The following GSK3B variants were observed in gnomAD, a reference collection of about 807,000 sequenced individuals.
GSK3B encodes glycogen synthase kinase-3 beta.
GSK3B carries 15 observed loss-of-function variants against 56.4 expected under a neutral mutation model. That is an observed-to-expected ratio of 0.27 (90% CI 0.18 to 0.41). The LOEUF (loss-of-function observed/expected upper bound fraction) is 0.41. Ranked by LOEUF, GSK3B falls within the 10% of genes least tolerant of loss-of-function variation. The pLI is 1.00. For missense variants in GSK3B, 300 were observed against 513.4 expected (o/e 0.58, Z 4.02); for synonymous variants, 181 against 188.9 (o/e 0.96, Z 0.34).
chr3:119,894,978 A>C (rs2056546320), intron 7 of GSK3B, among the ~76,000 whole-genome samples: 1 of 152,138 alleles, frequency 6.6e-6, no homozygotes, highest in Non-Finnish European at 1.5e-5. Context: ...ATGGGTATAC[A>C]ATGTGGAATA....
intron 2 of GSK3B, among the ~76,000 whole-genome samples, chr3:119,962,375 CA>C (rs71156779): frequency 0.85 from 102,809 of 120,448 alleles, 43,208 homozygotes; most frequent in East Asian, 0.97. Context: ...AACTCTGTCT[CA>C]AAAAAAAAAA....
chr3:119,978,978 C>A (rs944714403), intron 2 of GSK3B, among the ~76,000 whole-genome samples: 14 of 152,196 alleles, frequency 9.2e-5, no homozygotes, highest in Non-Finnish European at 1.5e-5. Context: ...AAAACAGACA[C>A]CCTCGGCTTC....
At chr3:119,842,097 G>A (rs1307777917) in intron 10 of GSK3B, among the ~76,000 whole-genome samples, 3 of 152,124 alleles carry the variant, frequency 2.0e-5, no homozygotes, top group African/African-American at 7.2e-5. Context: ...GAAAAAAAAG[G>A]TGCCAAATTC....
rs1163909391 is a variant in GSK3B, at chr3:119,905,858, G to A, written c.716-6C>T. 1 of 1,543,208 alleles carries A rather than the reference G, an allele frequency of 6.5e-7. No homozygotes were observed. The highest frequency in any genetic ancestry group is 1.4e-5 in the African/African-American group (1 of 73,586). On this transcript the variant is annotated splice_polypyrimidine_tract_variant and splice_region_variant and intron_variant, in intron 6 of 10. Coordinates refer to ENST00000264235, the MANE Select transcript of GSK3B (RefSeq NM_001146156.2). The stretch of plus-strand genomic sequence containing the variant: ...ACAGCCAGCAGACCATACATCTAAA[G>A]AGAAAAGAAAACGAAGCCTTATTAA...
At chr3:119,894,694 CT>C (rs1231288995) in intron 7 of GSK3B, among the ~76,000 whole-genome samples, 2 of 152,166 alleles carry the variant, frequency 1.3e-5, no homozygotes, top group East Asian at 3.9e-4. Context: ...CTCCAATTGT[CT>C]TTTAAGTTTC....
chr3:120,060,498 G>C (rs918548454), intron 1 of GSK3B, among the ~76,000 whole-genome samples: 35 of 152,090 alleles, frequency 2.3e-4, no homozygotes, highest in African/African-American at 7.2e-4. Flanking sequence ...GAGCCGAGGC[G>C]GGAGAATCAC....
intron 1 of GSK3B, among the ~76,000 whole-genome samples, chr3:120,075,812 A>G (rs2058362822): frequency 6.6e-6 from 1 of 152,186 alleles, no homozygotes; most frequent in Non-Finnish European, 1.5e-5. Flanking sequence ...CAAAGCAACA[A>G]AACAGATTCA....
At chr3:120,042,888 G>A (rs1410198961) in intron 1 of GSK3B, among the ~76,000 whole-genome samples, 1 of 152,192 alleles carries the variant, frequency 6.6e-6, no homozygotes, top group Non-Finnish European at 1.5e-5. Flanking sequence ...TTGCCCTGAT[G>A]AAAATCCAAA....
intron 10 of GSK3B, among the ~76,000 whole-genome samples, chr3:119,834,628 T>C (rs1219811406): frequency 6.6e-6 from 1 of 152,110 alleles, no homozygotes; most frequent in African/African-American, 2.4e-5. Flanking sequence ...GACACACAGG[T>C]AACATTTTCA....
intron 1 of GSK3B, among the ~76,000 whole-genome samples, chr3:120,004,110 G>C (rs762383733): frequency 6.6e-6 from 1 of 152,210 alleles, no homozygotes; most frequent in African/African-American, 2.4e-5. Flanking sequence ...TGCCTGACTC[G>C]GCGGGTCCCA....
intron 2 of GSK3B, among the ~76,000 whole-genome samples, chr3:119,959,922 T>C (rs1239909484): frequency 1.3e-5 from 2 of 152,134 alleles, no homozygotes; most frequent in East Asian, 3.9e-4. Flanking sequence ...ATCCCAGCAA[T>C]TGCACTCTTG....
At chr3:120,054,018 G>A (rs1016915992) in intron 1 of GSK3B, among the ~76,000 whole-genome samples, 1 of 152,116 alleles carries the variant, frequency 6.6e-6, no homozygotes, top group Non-Finnish European at 1.5e-5. Context: ...CAGGGCTGTT[G>A]CTATTAATAT....
intron 1 of GSK3B, among the ~76,000 whole-genome samples, chr3:120,026,891 T>A (rs2057932455): frequency 6.6e-6 from 1 of 151,680 alleles, no homozygotes; most frequent in Non-Finnish European, 1.5e-5. Flanking sequence ...TCTTGAAGTA[T>A]AATTTTCCTT....
At chr3:119,886,356 A>G (rs1278807041) in intron 7 of GSK3B, among the ~76,000 whole-genome samples, 1 of 152,106 alleles carries the variant, frequency 6.6e-6, no homozygotes, top group African/African-American at 2.4e-5. Flanking sequence ...ATCTCACATC[A>G]GTCACAATGG....
chr3:120,043,197 G>A (rs756948348), intron 1 of GSK3B, among the ~76,000 whole-genome samples: 4 of 152,102 alleles, frequency 2.6e-5, no homozygotes, highest in Admixed American at 6.5e-5. Flanking sequence ...CACTAAAACC[G>A]CAGTCCAGAC....
chr3:120,002,269 C>A, intron 1 of GSK3B, 30 bp from the exon 2 acceptor site: 2 of 1,371,924 alleles, frequency 1.5e-6, no homozygotes, highest in Non-Finnish European at 2.0e-6. Context: ...TTTTTTTTCA[C>A]GAGAACTGTA....
At chr3:119,997,235 C>A (rs1191188369) in intron 2 of GSK3B, among the ~76,000 whole-genome samples, 1 of 151,924 alleles carries the variant, frequency 6.6e-6, no homozygotes, top group African/African-American at 2.4e-5. Flanking sequence ...TAGAAGATGC[C>A]CAAGTTCAAA....
intron 1 of GSK3B, among the ~76,000 whole-genome samples, chr3:120,022,670 C>T (rs372154857): frequency 1.3e-5 from 2 of 152,176 alleles, no homozygotes. Context: ...CTCTTCAAGG[C>T]GGAAGAGTAC....
chr3:119,854,361 G>T (rs897691427), intron 9 of GSK3B, among the ~76,000 whole-genome samples: 3 of 152,164 alleles, frequency 2.0e-5, no homozygotes, highest in African/African-American at 7.2e-5. Context: ...ATTCATCAGG[G>T]ATATTGGTCT....
Sources: gnomAD v4.1 joint callset for allele counts (sites outside exome capture counted in the v4.1 genomes callset) on GRCh38, gnomAD v4.1.1 for gene constraint, MANE v1.5 for transcripts, NCBI Gene and HGNC (gene_info 2026-07-23, HGNC 2026-07-21) for gene names.